The following NTRK3 variants were observed in gnomAD, a reference collection of about 807,000 sequenced individuals.
NTRK3 encodes NT-3 growth factor receptor.
NTRK3 carries 24 observed loss-of-function variants against 91.7 expected under a neutral mutation model. The observed-to-expected ratio is 0.26, with a 90% CI of 0.19 to 0.37. The LOEUF (loss-of-function observed/expected upper bound fraction) is 0.37. Among genes scored for constraint, NTRK3 ranks in the 10% least tolerant of loss-of-function variants. The pLI is 1.00. For missense variants in NTRK3, 880 were observed against 1,068.9 expected (o/e 0.82, Z 2.46); for synonymous variants, 483 against 404.0 (o/e 1.20, Z -2.34).
chr15:88,156,649 A>C (rs1468232183), intron 5 of NTRK3, among the ~76,000 whole-genome samples: 1 of 151,972 alleles, frequency 6.6e-6, no homozygotes, highest in Non-Finnish European at 1.5e-5. Flanking sequence ...GACGGCTAGC[A>C]CCACCCACTC....
In NTRK3 at chr15:87,986,457, C is replaced by T. The variant is rs1326198577; in HGVS notation, c.1586-45704G>A. Among the ~76,000 whole-genome samples, 5 of 152,352 alleles carry T rather than the reference C, an allele frequency of 3.3e-5. No individual in the cohort carries two copies. The South Asian group carries it at 1.0e-3, about 32-fold the overall frequency. ...TCTACCCCATCACCAGAAGTAACCA[C>T]TGCTCTGAAATAGCTGATTATCCTT... On this transcript the variant is annotated intron_variant, in intron 14 of 18. Transcript: ENST00000394480.
chr15:88,069,938 A>G (rs1216350256), intron 13 of NTRK3, among the ~76,000 whole-genome samples: 1 of 152,174 alleles, frequency 6.6e-6, no homozygotes, highest in Non-Finnish European at 1.5e-5. Flanking sequence ...TTGAGAGTCT[A>G]GGGCGATCTC....
intron 18 of NTRK3, among the ~76,000 whole-genome samples, chr15:87,877,917 G>A (rs1233128763): frequency 6.6e-6 from 1 of 152,124 alleles, no homozygotes. Context: ...CCAACATACT[G>A]AAGGAGAAGC....
chr15:88,039,331 G>T (rs182647070), intron 13 of NTRK3, among the ~76,000 whole-genome samples: 28 of 152,302 alleles, frequency 1.8e-4, no homozygotes, highest in Non-Finnish European at 3.7e-4. Flanking sequence ...AGACCCTCAA[G>T]GGAACAGAGG....
At chr15:87,916,078 T>C (rs2067427714) in intron 17 of NTRK3, among the ~76,000 whole-genome samples, 1 of 152,182 alleles carries the variant, frequency 6.6e-6, no homozygotes, top group Admixed American at 6.5e-5. Context: ...ATGCTTTGTA[T>C]TGACCCAGTC....
intron 3 of NTRK3, among the ~76,000 whole-genome samples, chr15:88,238,602 C>T (rs1038444848): frequency 2.8e-4 from 43 of 152,174 alleles, no homozygotes; most frequent in African/African-American, 5.3e-4. Context: ...CTATAAACAA[C>T]GTATTATATC....
chr15:88,032,326 T>C (rs1162015278), intron 14 of NTRK3, among the ~76,000 whole-genome samples: 1 of 151,918 alleles, frequency 6.6e-6, no homozygotes, highest in African/African-American at 2.4e-5. Flanking sequence ...ACATCTGCAG[T>C]GGGGAGGTGA....
intron 13 of NTRK3, among the ~76,000 whole-genome samples, 172 bp from the exon 14 acceptor site, chr15:88,033,217 A>ATATATAT (rs2078753442): frequency 1.6e-4 from 8 of 49,686 alleles, no homozygotes; most frequent in African/African-American, 7.0e-4. Flanking sequence ...TATATATATA[A>ATATATAT]ATTCAGTTGT....
At chr15:87,997,058 G>A (rs1421854106) in intron 14 of NTRK3, among the ~76,000 whole-genome samples, 6 of 152,156 alleles carry the variant, frequency 3.9e-5, no homozygotes, top group Non-Finnish European at 7.3e-5. Flanking sequence ...GTAGTCAAGG[G>A]GAATGTAAGC....
intron 5 of NTRK3, among the ~76,000 whole-genome samples, chr15:88,154,206 C>T (rs1258673476): frequency 1.3e-5 from 2 of 151,962 alleles, no homozygotes; most frequent in Non-Finnish European, 2.9e-5. Flanking sequence ...CCTCCTCAGT[C>T]TTGACCCTGT....
chr15:88,012,755 G>A (rs1376646480), intron 14 of NTRK3, among the ~76,000 whole-genome samples: 5 of 152,320 alleles, frequency 3.3e-5, no homozygotes, highest in East Asian at 1.9e-4. Context: ...GGGGAAAAAG[G>A]AAACTACACC....
intron 14 of NTRK3, among the ~76,000 whole-genome samples, chr15:87,980,538 T>C (rs1204989076): frequency 6.6e-6 from 1 of 152,152 alleles, no homozygotes; most frequent in Non-Finnish European, 1.5e-5. Flanking sequence ...CACATATGTG[T>C]GTGTTTGAAT....
rs2050163660 is a variant in NTRK3, at chr15:88,220,698, C to T, written c.248+35208G>A. On this transcript the variant is annotated intron_variant, in intron 3 of 18. Transcript: ENST00000394480. Reference sequence around the variant, plus strand: ...AAGCCAGCCATTTCCTGCACATGGCCACAAACACCTGCAGCCAGCTTCTTC... The same window carrying T: ...AAGCCAGCCATTTCCTGCACATGGCTACAAACACCTGCAGCCAGCTTCTTC... Among the ~76,000 whole-genome samples, 3 of 152,258 alleles carry T rather than the reference C, an allele frequency of 2.0e-5. No homozygotes were observed. In the East Asian group the frequency reaches 5.8e-4, roughly 29 times the overall value.
intron 14 of NTRK3, among the ~76,000 whole-genome samples, chr15:87,950,104 C>T (rs552418977): frequency 3.9e-5 from 6 of 152,316 alleles, no homozygotes; most frequent in African/African-American, 9.6e-5. Context: ...CCAAGCCGTC[C>T]CTGTGATGTC....
chr15:88,120,788 T>A (rs2052621746), intron 13 of NTRK3, among the ~76,000 whole-genome samples: 1 of 152,226 alleles, frequency 6.6e-6, no homozygotes. Context: ...TTCATTTCCC[T>A]GACCCTCCCA....
chr15:88,165,856 AGT>A (rs61276149), intron 5 of NTRK3, among the ~76,000 whole-genome samples: 15 of 150,168 alleles, frequency 1.0e-4, no homozygotes, highest in African/African-American at 1.2e-4. Flanking sequence ...TGTTCACCTG[AGT>A]GTGTGTGTGT....
intron 14 of NTRK3, among the ~76,000 whole-genome samples, chr15:87,956,520 C>T (rs1446524654): frequency 3.3e-5 from 5 of 151,994 alleles, no homozygotes; most frequent in Non-Finnish European, 7.4e-5. Context: ...GTGATCCACC[C>T]GCCTAAGCCT....
At chr15:87,999,793 T>C (rs1310478774) in intron 14 of NTRK3, among the ~76,000 whole-genome samples, 2 of 152,152 alleles carry the variant, frequency 1.3e-5, no homozygotes, top group Non-Finnish European at 2.9e-5. Context: ...TACTAAAGAA[T>C]ACAAATGATT....
At chr15:88,217,763 A>AGTT (rs1567665927) in intron 3 of NTRK3, among the ~76,000 whole-genome samples, 10 of 42,172 alleles carry the variant, frequency 2.4e-4, no homozygotes, top group African/African-American at 6.6e-4. Context: ...TTTGTAGCAC[A>AGTT]ATTTTTTTTT....
Sources: allele counts gnomAD v4.1 joint callset (sites outside exome capture counted in the v4.1 genomes callset), GRCh38; gene constraint gnomAD v4.1.1; transcripts MANE v1.5; gene names NCBI Gene and HGNC (gene_info 2026-07-23, HGNC 2026-07-21).